Variants in CAPN7 observed in about 807,000 individuals in gnomAD.
CAPN7 encodes calpain-7.
In CAPN7, 72 loss-of-function variants were observed where a neutral mutation model predicts 115.2. That is an observed-to-expected ratio of 0.63 (90% CI 0.52 to 0.76). CAPN7 has a LOEUF of 0.76. Among genes scored for constraint, CAPN7 ranks in the 30% least tolerant of loss-of-function variants. The pLI, the probability that CAPN7 is intolerant of heterozygous loss-of-function variation, is 0.00. For missense variants in CAPN7, 905 were observed against 971.5 expected (o/e 0.93, Z 0.91); for synonymous variants, 344 against 322.3 (o/e 1.07, Z -0.72).
chr3:15,241,356 A>G, intron 14 of CAPN7, 97 bp from the exon 15 acceptor site: 6 of 1,314,408 alleles, frequency 4.6e-6, no homozygotes, highest in Non-Finnish European at 6.3e-6. Context: ...AACAAAACCA[A>G]AAACTTGGAT....
At chr3:15,221,158 T>A (rs919059060) in intron 5 of CAPN7, 177 bp downstream of exon 5, 2 of 489,156 alleles carry the variant, frequency 4.1e-6, no homozygotes, top group African/African-American at 2.0e-5. Flanking sequence ...TTAGTTCTGA[T>A]ATATTTTATT....
At position 15,240,127 on chromosome 3, in the gene CAPN7, C is replaced by T. The variant is rs570236356; in HGVS notation, c.1408-346C>T. On this transcript the variant is annotated intron_variant, in intron 12 of 20. Transcript: ENST00000253693. ...GAACTCCTGCAATGATGGAAATGTT[C>T]TGTATCTGGGCTGCCCAATGCATTA... is the stretch of plus-strand genomic sequence containing the variant. Among the ~76,000 whole-genome samples the T allele has an allele frequency of 3.9e-5, 6 of 152,344 alleles. No individual in the cohort carries two copies. The South Asian group carries it at 1.2e-3, about 32-fold the overall frequency.
rs1460568964 is a variant in CAPN7 at position 15,249,006 on chromosome 3, C to CAAAAAAAAAAAAAAAA, written c.2204+1552_2204+1567dup. Among the ~76,000 whole-genome samples the CAAAAAAAAAAAAAAAA allele has an allele frequency of 1.8e-4, 9 of 50,708 alleles. 1 individual carries two copies. Among genetic ancestry groups the CAAAAAAAAAAAAAAAA allele is most frequent in the South Asian group, 8.7e-4 (1 of 1,156 alleles). The allele number at this position is 50,708 out of a possible 152,430, so 33.3% of individuals were successfully genotyped here. ...GCGAGACCCTGTCTCATACAACAAC[C>CAAAAAAAAAAAAAAAA]AAAAAAAAAAAAAAAAAACAAAAAC... On this transcript the variant is annotated intron_variant, in intron 19 of 20. Transcript: ENST00000253693.
chr3:15,210,987 A>T, intron 1 of CAPN7: 1 of 1,107,828 alleles, frequency 9.0e-7, no homozygotes. Context: ...CCTTCCTGGA[A>T]TGGTGATGAG....
chr3:15,239,493 T>C (rs533294468), intron 12 of CAPN7, among the ~76,000 whole-genome samples: 41 of 152,232 alleles, frequency 2.7e-4, no homozygotes, highest in Non-Finnish European at 5.0e-4. Flanking sequence ...TGAAAAGGGA[T>C]GATAGTGTTA....
intron 2 of CAPN7, among the ~76,000 whole-genome samples, chr3:15,216,868 A>G (rs2124895203): frequency 6.6e-6 from 1 of 152,248 alleles, no homozygotes; most frequent in East Asian, 1.9e-4. Context: ...TGTATTTTTT[A>G]CTATTCTTTA....
Position 15,220,973 on chromosome 3 carries a change from A to G in CAPN7, c.630A>G (p.Glu210=). 1 of 1,612,660 alleles carries G rather than the reference A, an allele frequency of 6.2e-7. No individual in the cohort carries two copies. Among genetic ancestry groups the G allele is most frequent in the South Asian group, 1.1e-5 (1 of 91,062 alleles). Reference sequence around the variant, plus strand: ...AGAGATACACAGCAGAAGAAATAGAAGTACTCAGGTAAATAAGTTTACAAT... The same window carrying G: ...AGAGATACACAGCAGAAGAAATAGAGGTACTCAGGTAAATAAGTTTACAAT... ...QGQRYTAEEI[E]VLRTTSKING... The change falls in exon 5 of 21, where the codon GAA becomes GAG. Residue 210 remains glutamate (E), a synonymous_variant. Transcript: ENST00000253693.
intron 19 of CAPN7, among the ~76,000 whole-genome samples, chr3:15,249,668 CACGTTTATA>C (rs565438899): frequency 1.2e-3 from 175 of 152,126 alleles, no homozygotes; most frequent in Non-Finnish European, 2.0e-3. Context: ...TTTGGAATGC[CACGTTTATA>C]ATATGCTAAG....
At chr3:15,231,577 T>A (rs1694689702) in intron 9 of CAPN7, among the ~76,000 whole-genome samples, 1 of 152,110 alleles carries the variant, frequency 6.6e-6, no homozygotes, top group East Asian at 1.9e-4. Flanking sequence ...TCACCCAGGC[T>A]GGAGTGCAAT....
Position 15,242,189 on chromosome 3 carries a change from G to A in CAPN7, c.1800G>A (p.Ala600=), listed in dbSNP as rs531043006. 17 of 1,599,028 alleles carry A rather than the reference G, an allele frequency of 1.1e-5. No individual in the cohort carries two copies. In the African/African-American group the frequency reaches 1.1e-4, roughly 10 times the overall value. Residue 600 remains alanine, a synonymous_variant, in exon 16 of 21, where the codon GCG becomes GCA. Coordinates refer to ENST00000253693, the MANE Select transcript of CAPN7 (RefSeq NM_014296.3). Reference sequence around the variant, plus strand: ...CTTTGTGATTTTAGGATGATTTTGCGAATAATCGAGAATTTATCACAATGG... The same window carrying A: ...CTTTGTGATTTTAGGATGATTTTGCAAATAATCGAGAATTTATCACAATGG... The part of the protein sequence containing the change: ...SRHITDKDDF[A]NNREFITMVV...
chr3:15,242,072 A>AT (rs1326658461), intron 15 of CAPN7, 106 bp from the exon 16 acceptor site: 8 of 722,040 alleles, frequency 1.1e-5, no homozygotes, highest in African/African-American at 5.5e-5. Context: ...AAAATTAGAG[A>AT]TTTTTTGTGG....
intron 15 of CAPN7, among the ~76,000 whole-genome samples, chr3:15,241,858 G>A (rs1695370515): frequency 6.6e-6 from 1 of 152,126 alleles, no homozygotes; most frequent in South Asian, 2.1e-4. Flanking sequence ...GTATAGTTTA[G>A]ATCTTAATAT....
intron 17 of CAPN7, 52 bp from the exon 18 acceptor site, chr3:15,246,680 T>G (rs1695681294): frequency 1.6e-6 from 2 of 1,248,974 alleles, no homozygotes; most frequent in South Asian, 2.5e-5. Flanking sequence ...TGTATCACTT[T>G]GATGTTCTTG....
rs760910420 is a variant in CAPN7, at chr3:15,245,646, A to G, written c.1985A>G (p.Gln662Arg). 1 of 1,613,916 alleles carries G rather than the reference A, an allele frequency of 6.2e-7. No individual in the cohort carries two copies. Among genetic ancestry groups the G allele is most frequent in the Non-Finnish European group, 8.5e-7 (1 of 1,179,884 alleles). Residue 662 changes from glutamine to arginine, a missense_variant, in exon 17 of 21, where the codon CAG (glutamine) becomes CGG (arginine). Physicochemically the swap from Gln to Arg is conservative, Grantham distance 43. Transcript: ENST00000253693. ...FTLVVSQYEK[Q>R]NTIHYTVRVY... The stretch of plus-strand genomic sequence containing the variant: ...TTAGTGGTTTCTCAATATGAAAAAC[A>G]GAACACAATCCATTACACGGTTCGG...
intron 19 of CAPN7, among the ~76,000 whole-genome samples, chr3:15,250,599 G>A (rs1695947629): frequency 6.6e-6 from 1 of 152,164 alleles, no homozygotes; most frequent in African/African-American, 2.4e-5. Context: ...TTGAACCCAG[G>A]AGGCGGAGGT....
intron 1 of CAPN7, among the ~76,000 whole-genome samples, chr3:15,208,948 A>G (rs1338819212): frequency 6.6e-6 from 1 of 152,176 alleles, no homozygotes; most frequent in African/African-American, 2.4e-5. Flanking sequence ...TCACAAATGT[A>G]TGTGCTGTCA....
chr3:15,228,329 G>A (rs951444230), intron 7 of CAPN7, among the ~76,000 whole-genome samples: 4 of 152,058 alleles, frequency 2.6e-5, no homozygotes, highest in Non-Finnish European at 2.9e-5. Flanking sequence ...TAATTTTCTA[G>A]GATTTATTAG....
At chr3:15,240,914 A>C (rs1435229130) in intron 14 of CAPN7, 61 bp downstream of exon 14, 1 of 1,093,396 alleles carries the variant, frequency 9.1e-7, no homozygotes, top group Non-Finnish European at 1.4e-6. Context: ...TCACTTAAAA[A>C]CATAATGGTG....
Position 15,239,637 on chromosome 3 carries a change from A to G in CAPN7, c.1408-836A>G, listed in dbSNP as rs114299463. 3.6e-3 allele frequency among the ~76,000 whole-genome samples: 551 copies of G among 152,354 alleles called. 5 individuals are homozygous for G. The highest frequency in any genetic ancestry group is 0.012 in the African/African-American group (508 of 41,578). On this transcript the variant is annotated intron_variant, in intron 12 of 20. Transcript: ENST00000253693. ...TAGCACTATGAAGGTTGGAGAATTCAAAGTAATTAAAAGAAAGAAATTACT... is the reference window on the plus strand; with the variant it reads ...TAGCACTATGAAGGTTGGAGAATTCGAAGTAATTAAAAGAAAGAAATTACT...
Sources: allele counts gnomAD v4.1 joint callset (sites outside exome capture counted in the v4.1 genomes callset), GRCh38; gene constraint gnomAD v4.1.1; transcripts MANE v1.5; gene names NCBI Gene and HGNC (gene_info 2026-07-23, HGNC 2026-07-21).